EML5: variants seen among roughly 807,000 people sequenced by gnomAD.
EML5 encodes EMAP like 5, also known as echinoderm microtubule-associated protein-like 5.
In EML5, 120 loss-of-function variants were observed where a neutral mutation model predicts 250.0. That is an observed-to-expected ratio of 0.48 (90% CI 0.41 to 0.56). The LOEUF is 0.56. Among genes scored for constraint, EML5 ranks in the 20% least tolerant of loss-of-function variants. The pLI, the probability that EML5 is intolerant of heterozygous loss-of-function variation, is 0.00. For missense variants in EML5, 2,006 were observed against 2,437.6 expected (o/e 0.82, Z 3.73); for synonymous variants, 771 against 806.5 (o/e 0.96, Z 0.75).
At chr14:88,723,014 G>C (rs1366938404) in intron 8 of EML5, among the ~76,000 whole-genome samples, 10 of 152,104 alleles carry the variant, frequency 6.6e-5, no homozygotes. Context: ...AAGAAGGAGG[G>C]AAGGACAGTT....
At chr14:88,728,268 A>G (rs904002854) in intron 7 of EML5, among the ~76,000 whole-genome samples, 2 of 151,930 alleles carry the variant, frequency 1.3e-5, no homozygotes, top group African/African-American at 4.8e-5. Flanking sequence ...CTTACACTGT[A>G]TTAGGTATTA....
chr14:88,616,896 AAAG>A lies in EML5; in HGVS notation c.5643-20_5643-18del, dbSNP rs892716897. 6.2e-7 allele frequency: 1 copy of A among 1,609,988 alleles called. No homozygotes were observed. Among genetic ancestry groups the A allele is most frequent in the Non-Finnish European group, 8.5e-7 (1 of 1,178,248 alleles). ...CCTAGAATACTAGAGGGAAGGAACA[AAAG>A]AAAACTCATCATGGCAAGTGCGGGC... On this transcript the variant is annotated intron_variant, in intron 41 of 43. Transcript: ENST00000554922.
At position 88,679,052 on chromosome 14, in the gene EML5, A is replaced by G. The variant is rs2092660748; in HGVS notation, c.3124+2838T>C. On this transcript the variant is annotated intron_variant, in intron 21 of 43. Transcript: ENST00000554922. ...CTTGGTTTATAGGTACATCACTCCAATCCTCTGCTTCCATCATCACGCTGC... is the reference window on the plus strand; with the variant it reads ...CTTGGTTTATAGGTACATCACTCCAGTCCTCTGCTTCCATCATCACGCTGC... Among the ~76,000 whole-genome samples, 3 of 151,440 alleles carry G rather than the reference A, an allele frequency of 2.0e-5. No homozygotes were observed. In the South Asian group the frequency reaches 6.3e-4, roughly 32 times the overall value.
chr14:88,616,421 G>A (rs1038188971), intron 42 of EML5, 179 bp from the exon 43 acceptor site: 11 of 645,780 alleles, frequency 1.7e-5, no homozygotes, highest in South Asian at 5.8e-5. Context: ...GGCTGTGTGG[G>A]CAGTCAGATG....
chr14:88,772,476 G>C (rs138003247), intron 1 of EML5, among the ~76,000 whole-genome samples: 2 of 152,132 alleles, frequency 1.3e-5, no homozygotes, highest in African/African-American at 4.8e-5. Flanking sequence ...ATATACCTTC[G>C]GCCGGACGAG....
intron 27 of EML5, among the ~76,000 whole-genome samples, chr14:88,657,043 A>T (rs1233081832): frequency 6.6e-6 from 1 of 152,060 alleles, no homozygotes; most frequent in Non-Finnish European, 1.5e-5. Flanking sequence ...CTCAGGTAGG[A>T]GTGCAGTGGC....
At chr14:88,655,102 G>C (rs1344188566) in intron 27 of EML5, among the ~76,000 whole-genome samples, 1 of 152,022 alleles carries the variant, frequency 6.6e-6, no homozygotes, top group East Asian at 1.9e-4. Context: ...AGCTACCAAT[G>C]ACTTTCCTCA....
chr14:88,787,865 G>A (rs1038878973), intron 1 of EML5, among the ~76,000 whole-genome samples: 3 of 151,906 alleles, frequency 2.0e-5, no homozygotes, highest in African/African-American at 7.3e-5. Flanking sequence ...TCAGGTTTGA[G>A]GAGAGGGTTT....
At chr14:88,664,275 C>CAAAAAA (rs35920066) in intron 23 of EML5, among the ~76,000 whole-genome samples, 1 of 105,716 alleles carries the variant, frequency 9.5e-6, no homozygotes, top group Non-Finnish European at 2.1e-5. Flanking sequence ...AGACCTGTCT[C>CAAAAAA]AAAAAAAAAA....
intron 5 of EML5, 70 bp downstream of exon 5, chr14:88,740,317 G>T (rs747076038): frequency 2.3e-6 from 3 of 1,282,148 alleles, no homozygotes; most frequent in Non-Finnish European, 2.1e-6. Context: ...ACTATATTAC[G>T]CAGTCTATCA....
chr14:88,613,361 A>G lies in EML5; in HGVS notation c.*2457T>C, dbSNP rs1275810613. 2.0e-5 allele frequency: 3 copies of G among 152,160 alleles called. No individual in the cohort carries two copies. Among genetic ancestry groups the G allele is most frequent in the Admixed American group, 1.3e-4 (2 of 15,268 alleles). The allele number at this position is 152,160 out of a possible 1,614,324, so 9.4% of individuals were successfully genotyped here. On this transcript the variant is annotated 3_prime_UTR_variant, in exon 44 of 44. Transcript: ENST00000554922. ...TCTCTGCAGAAGAAATTTATTTTAA[A>G]TTGTTTAAATATCTGGAAATACTTT...
At chr14:88,693,229 G>A (rs147097718) in intron 17 of EML5, among the ~76,000 whole-genome samples, 2 of 152,086 alleles carry the variant, frequency 1.3e-5, no homozygotes, top group East Asian at 1.9e-4. Flanking sequence ...GAATACTACT[G>A]TATTAGTCTG....
At chr14:88,690,291 AT>A (rs2092927293) in intron 17 of EML5, among the ~76,000 whole-genome samples, 2 of 152,218 alleles carry the variant, frequency 1.3e-5, no homozygotes, top group African/African-American at 2.4e-5. Flanking sequence ...AGATCTGGCA[AT>A]TGATTTATTA....
At chr14:88,651,751 A>T (rs559555468) in intron 27 of EML5, among the ~76,000 whole-genome samples, 1 of 152,084 alleles carries the variant, frequency 6.6e-6, no homozygotes, top group East Asian at 1.9e-4. Flanking sequence ...TATCTAATAA[A>T]TACATATGTA....
At chr14:88,643,951 A>G (rs1144921) in intron 30 of EML5, among the ~76,000 whole-genome samples, 127,638 of 152,160 alleles carry the variant, frequency 0.84, 54,056 homozygotes, top group East Asian at 0.92. Flanking sequence ...TGAAATGCCT[A>G]AAGAGCCTTC....
chr14:88,739,350 T>C (rs1365026682), intron 5 of EML5, among the ~76,000 whole-genome samples: 1 of 152,158 alleles, frequency 6.6e-6, no homozygotes, highest in East Asian at 1.9e-4. Context: ...GCTTTACATA[T>C]GCAGGTTTCC....
chr14:88,618,640 G>A lies in EML5; in HGVS notation c.5538+10C>T. 3 of 1,610,510 alleles carry A rather than the reference G, an allele frequency of 1.9e-6. No individual in the cohort carries two copies. The highest frequency in any genetic ancestry group is 2.5e-6 in the Non-Finnish European group (3 of 1,178,412). On this transcript the variant is annotated intron_variant, in intron 40 of 43. Transcript: ENST00000554922. The stretch of plus-strand genomic sequence containing the variant: ...ACTTGCCACCTGGGTATACAGTATT[G>A]GTACTGTACCTGGAGATAACTGCTA...
chr14:88,748,308 T>C (rs2094038418), intron 2 of EML5, among the ~76,000 whole-genome samples: 1 of 152,108 alleles, frequency 6.6e-6, no homozygotes, highest in African/African-American at 2.4e-5. Flanking sequence ...TTCTCAGAGA[T>C]CACAAAGGGT....
In EML5 at chr14:88,620,711, A is replaced by C. The variant is rs770275455; in HGVS notation, c.5375+43T>G. On this transcript the variant is annotated intron_variant, in intron 39 of 43. Coordinates refer to ENST00000554922, the MANE Select transcript of EML5 (RefSeq NM_183387.3). The surrounding 1 kb of genome is among the most constrained non-coding windows in gnomAD (Gnocchi z 4.3). ...TGGAAAATTTTACAAATGGAAGTTA[A>C]ATCAAGTATATACTAGAAACTCTAT... 1.4e-6 allele frequency: 2 copies of C among 1,408,952 alleles called. No homozygotes were observed. The highest frequency in any genetic ancestry group is 2.8e-5 in the Admixed American group (1 of 35,754). The allele number at this position is 1,408,952 out of a possible 1,614,324, so 87.3% of individuals were successfully genotyped here. A position where few individuals can be genotyped will look rare whatever the true frequency, so the allele number is the denominator to read the frequency against.
Sources: gnomAD v4.1 joint callset for allele counts (sites outside exome capture counted in the v4.1 genomes callset) on GRCh38, gnomAD v4.1.1 for gene constraint, Gnocchi (gnomAD v3.1) non-coding constraint, MANE v1.5 for transcripts, NCBI Gene and HGNC (gene_info 2026-07-23, HGNC 2026-07-21) for gene names.